The following DNER variants were observed in gnomAD, a reference collection of about 807,000 sequenced individuals.
DNER encodes delta/notch like EGF repeat containing, also known as delta and Notch-like epidermal growth factor-related receptor.
Under a neutral mutation model 78.2 loss-of-function variants are expected in DNER, and 33 were observed. That is an observed-to-expected ratio of 0.42 (90% CI 0.32 to 0.56). The LOEUF is 0.56. Ranked by LOEUF, DNER falls within the 20% of genes least tolerant of loss-of-function variation. The probability of loss-of-function intolerance (pLI) is 0.11; values close to 1 mark genes in which losing one functional copy is unlikely to be tolerated. For synonymous variants in DNER, 417 were observed against 384.8 expected, an observed-to-expected ratio of 1.08 and a Z score of -0.98; for missense variants, 918 against 975.3, an observed-to-expected ratio of 0.94 and a Z score of 0.78.
At chr2:229,703,841 C>T (rs1165238557) in intron 1 of DNER, among the ~76,000 whole-genome samples, 3 of 151,182 alleles carry the variant, frequency 2.0e-5, no homozygotes, top group African/African-American at 7.3e-5. Flanking sequence ...CACAAGTTTG[C>T]ACCACTGCAT....
intron 9 of DNER, among the ~76,000 whole-genome samples, chr2:229,410,542 T>C (rs1574831004): frequency 6.6e-6 from 1 of 152,338 alleles, no homozygotes; most frequent in East Asian, 1.9e-4. Context: ...GTCTGTGGAA[T>C]GACACATGCA....
chr2:229,530,629 C>T (rs1203199311), intron 5 of DNER, among the ~76,000 whole-genome samples: 1 of 152,214 alleles, frequency 6.6e-6, no homozygotes, highest in Non-Finnish European at 1.5e-5. Flanking sequence ...AAGCAGCTGC[C>T]GAATTCCAGG....
chr2:229,521,201 G>A (rs1156784601), intron 5 of DNER, among the ~76,000 whole-genome samples: 2 of 152,210 alleles, frequency 1.3e-5, no homozygotes, highest in African/African-American at 4.8e-5. Context: ...GGAGCTCCAG[G>A]AGCCTGTCCG....
At chr2:229,375,662 C>T (rs1274602636) in intron 11 of DNER, among the ~76,000 whole-genome samples, 1 of 152,188 alleles carries the variant, frequency 6.6e-6, no homozygotes, top group Non-Finnish European at 1.5e-5. Context: ...AAAAGATAAT[C>T]ACCAACCAAA....
intron 8 of DNER, among the ~76,000 whole-genome samples, chr2:229,439,941 T>C (rs1167574470): frequency 3.9e-5 from 6 of 152,174 alleles, no homozygotes; most frequent in Non-Finnish European, 8.8e-5. Context: ...TCAACACTAC[T>C]GCAGCAAAGA....
At chr2:229,477,673 A>G (rs1318293962) in intron 6 of DNER, among the ~76,000 whole-genome samples, 2 of 152,222 alleles carry the variant, frequency 1.3e-5, no homozygotes, top group Non-Finnish European at 2.9e-5. Context: ...CATAAAAAGC[A>G]TTAGGAAAAT....
intron 4 of DNER, among the ~76,000 whole-genome samples, chr2:229,576,651 G>A (rs1244330584): frequency 6.6e-6 from 1 of 152,156 alleles, no homozygotes; most frequent in Non-Finnish European, 1.5e-5. Context: ...AGGTTTGTGG[G>A]GGGGAACGGA....
chr2:229,663,171 C>T (rs1205988852), intron 1 of DNER, among the ~76,000 whole-genome samples: 1 of 152,166 alleles, frequency 6.6e-6, no homozygotes, highest in Non-Finnish European at 1.5e-5. Flanking sequence ...GAAAAATTCA[C>T]ATCAATTTTA....
intron 1 of DNER, among the ~76,000 whole-genome samples, chr2:229,648,783 G>A (rs1698763089): frequency 6.6e-6 from 1 of 152,174 alleles, no homozygotes; most frequent in Non-Finnish European, 1.5e-5. Flanking sequence ...TCTATGACCT[G>A]ACACATTGTT....
At chr2:229,570,540 T>C (rs1319409737) in intron 4 of DNER, among the ~76,000 whole-genome samples, 1 of 151,074 alleles carries the variant, frequency 6.6e-6, no homozygotes, top group Non-Finnish European at 1.5e-5. Flanking sequence ...GGCAGGAGAA[T>C]CCTTTGAACC....
At chr2:229,451,056 C>A (rs913606575) in intron 7 of DNER, among the ~76,000 whole-genome samples, 1 of 152,220 alleles carries the variant, frequency 6.6e-6, no homozygotes, top group Non-Finnish European at 1.5e-5. Context: ...AGGGCTGAAA[C>A]TGTTTTCTTT....
chr2:229,619,374 C>T (rs1698216511), intron 1 of DNER, among the ~76,000 whole-genome samples: 1 of 151,938 alleles, frequency 6.6e-6, no homozygotes, highest in African/African-American at 2.4e-5. Flanking sequence ...TTAGAAGCTA[C>T]ACATTAGAAA....
At chr2:229,691,723 C>T (rs1436673781) in intron 1 of DNER, among the ~76,000 whole-genome samples, 5 of 151,356 alleles carry the variant, frequency 3.3e-5, no homozygotes. Context: ...AGTCAGAAAG[C>T]AAAACAATTG....
intron 10 of DNER, among the ~76,000 whole-genome samples, chr2:229,405,387 A>T (rs1415644255): frequency 1.3e-5 from 2 of 152,156 alleles, no homozygotes; most frequent in Non-Finnish European, 2.9e-5. Context: ...GTACCCTGGG[A>T]TTCTATTTCT....
chr2:229,409,421 C>G (rs1261605058), intron 9 of DNER, among the ~76,000 whole-genome samples: 1 of 152,186 alleles, frequency 6.6e-6, no homozygotes, highest in Non-Finnish European at 1.5e-5. Flanking sequence ...AAATGATTGT[C>G]ACTGAGTTTC....
intron 1 of DNER, among the ~76,000 whole-genome samples, chr2:229,635,443 ACT>A (rs1698514403): frequency 6.6e-6 from 1 of 151,028 alleles, no homozygotes; most frequent in African/African-American, 2.4e-5. Context: ...GGGCCGGCAC[ACT>A]GTATGATACT....
intron 9 of DNER, among the ~76,000 whole-genome samples, chr2:229,410,382 A>G (rs1693484816): frequency 6.6e-6 from 1 of 152,164 alleles, no homozygotes; most frequent in African/African-American, 2.4e-5. Context: ...TGGACCTAAC[A>G]CCGGAATCCT....
At chr2:229,366,170 AC>A (rs1368502908) in intron 12 of DNER, among the ~76,000 whole-genome samples, 1 of 152,230 alleles carries the variant, frequency 6.6e-6, no homozygotes, top group Non-Finnish European at 1.5e-5. Context: ...GTATCCCAGA[AC>A]TTAAAACAAA....
intron 5 of DNER, among the ~76,000 whole-genome samples, chr2:229,536,312 C>T (rs1407503244): frequency 6.6e-6 from 1 of 152,168 alleles, no homozygotes; most frequent in South Asian, 2.1e-4. Context: ...AGCAGGGACG[C>T]ATCCGTGTCC....
Sources: gnomAD v4.1 joint callset for allele counts (sites outside exome capture counted in the v4.1 genomes callset) on GRCh38, gnomAD v4.1.1 for gene constraint, MANE v1.5 for transcripts, NCBI Gene and HGNC (gene_info 2026-07-23, HGNC 2026-07-21) for gene names.